The following DMD variants were observed in gnomAD, a reference collection of about 807,000 sequenced individuals.
DMD encodes the protein mutant dystrophin.
Under a neutral mutation model 330.1 loss-of-function variants are expected in DMD, and 63 were observed. The observed-to-expected ratio is 0.19, with a 90% CI of 0.16 to 0.24. DMD has a LOEUF of 0.24. Among genes scored for constraint, DMD ranks in the 10% least tolerant of loss-of-function variants. The pLI is 1.00. For synonymous variants in DMD, 1,223 were observed against 959.8 expected, an observed-to-expected ratio of 1.27 and a Z score of -5.07; for missense variants, 3,344 against 2,684.1, an observed-to-expected ratio of 1.25 and a Z score of -5.43.
intron 7 of DMD, among the ~76,000 whole-genome samples, chrX:32,770,816 C>A (rs1377140528): frequency 9.0e-6 from 1 of 111,608 alleles, no homozygotes; most frequent in Non-Finnish European, 1.9e-5. Context: ...ATATGCTACA[C>A]AAAATCAGGT....
intron 45 of DMD, among the ~76,000 whole-genome samples, chrX:31,961,098 A>C (rs976288505): frequency 2.7e-5 from 3 of 112,289 alleles, no homozygotes; most frequent in African/African-American, 6.5e-5. Flanking sequence ...AAATGTTTGA[A>C]TCAAAGAGCT....
At chrX:31,436,328 T>C (rs186318634) in intron 60 of DMD, among the ~76,000 whole-genome samples, 15 of 112,186 alleles carry the variant, frequency 1.3e-4, no homozygotes, top group Middle Eastern at 4.6e-3. Flanking sequence ...AATAATAATA[T>C]GCTTTTCATT....
rs1557326844 is a variant in DMD at position 32,394,921 on chromosome X, A to AAAAC, written c.4234-4741_4234-4740insGTTT. On this transcript the variant is annotated intron_variant, in intron 30 of 78. Transcript: ENST00000357033. ...AAGAGCAAAAAACAAAAAAACAAAA[A>AAAAC]AAAAAAAAAAAAGAAAAGAAATCAT... is the stretch of plus-strand genomic sequence containing the variant. Among the ~76,000 whole-genome samples, 167 of 63,744 alleles carry AAAAC rather than the reference A, an allele frequency of 2.6e-3. 3 individuals carry two copies. The highest frequency in any genetic ancestry group is 8.0e-3 in the East Asian group (12 of 1,507). 55.4% of individuals were successfully genotyped at this position (63,744 alleles called of 115,157 possible).
At chrX:32,633,322 C>G (rs2058870667) in intron 11 of DMD, among the ~76,000 whole-genome samples, 2 of 111,467 alleles carry the variant, frequency 1.8e-5, no homozygotes, top group South Asian at 7.6e-4. Flanking sequence ...AACTTCTTTG[C>G]TAAGGGATAA....
chrX:31,305,942 A>C (rs1035141991), intron 62 of DMD, among the ~76,000 whole-genome samples: 3 of 112,562 alleles, frequency 2.7e-5, no homozygotes, highest in Admixed American at 9.4e-5. Flanking sequence ...CATTGTGAAC[A>C]TTAAAAACAA....
chrX:31,961,589 G>T (rs997005039), intron 45 of DMD, among the ~76,000 whole-genome samples: 1 of 110,752 alleles, frequency 9.0e-6, no homozygotes, highest in East Asian at 2.8e-4. Context: ...TTATAAAAAG[G>T]GGCAAGAAAA....
intron 25 of DMD, among the ~76,000 whole-genome samples, chrX:32,455,897 G>A (rs944137570): frequency 9.0e-6 from 1 of 110,602 alleles, no homozygotes; most frequent in African/African-American, 3.3e-5. Flanking sequence ...TTTCTACAAT[G>A]GACTCCATTA....
chrX:31,395,485 C>T (rs1356169765), intron 60 of DMD, among the ~76,000 whole-genome samples: 1 of 112,225 alleles, frequency 8.9e-6, no homozygotes, highest in African/African-American at 3.2e-5. Context: ...TACTTCAATA[C>T]CTGTTGAAAA....
At chrX:32,769,066 AAAC>A (rs942762076) in intron 7 of DMD, among the ~76,000 whole-genome samples, 5 of 112,218 alleles carry the variant, frequency 4.5e-5, no homozygotes, top group African/African-American at 1.6e-4. Flanking sequence ...AAAAAACAAA[AAAC>A]ATCATCATCT....
chrX:32,974,818 A>G (rs2092490764), intron 2 of DMD, among the ~76,000 whole-genome samples: 1 of 111,738 alleles, frequency 8.9e-6, no homozygotes, highest in African/African-American at 3.3e-5. Flanking sequence ...GTTCACAAAA[A>G]TGACTTCCTT....
At chrX:31,293,856 TA>T (rs1048511962) in intron 62 of DMD, among the ~76,000 whole-genome samples, 15 of 111,135 alleles carry the variant, frequency 1.3e-4, no homozygotes, top group Non-Finnish European at 2.3e-4. Context: ...ACGAGCAAGC[TA>T]AAGAAAGGAC....
chrX:32,885,049 G>T (rs890726967), intron 2 of DMD, among the ~76,000 whole-genome samples: 1 of 111,734 alleles, frequency 8.9e-6, no homozygotes, highest in Non-Finnish European at 1.9e-5. Context: ...GATTTGTAGG[G>T]ATCCTAGCCT....
intron 60 of DMD, among the ~76,000 whole-genome samples, chrX:31,442,943 A>C (rs894739470): frequency 9.0e-6 from 1 of 111,494 alleles, no homozygotes; most frequent in African/African-American, 3.3e-5. Context: ...AAATTATGTG[A>C]GATCTCAAGA....
intron 50 of DMD, among the ~76,000 whole-genome samples, chrX:31,806,923 T>C (rs2092308453): frequency 8.9e-6 from 1 of 112,316 alleles, no homozygotes; most frequent in African/African-American, 3.2e-5. Flanking sequence ...TTTTAAAGCA[T>C]ACAACCCTTT....
At chrX:31,180,683 T>A (rs756768010) in intron 68 of DMD, among the ~76,000 whole-genome samples, 9 of 111,801 alleles carry the variant, frequency 8.1e-5, no homozygotes, top group African/African-American at 2.9e-4. Flanking sequence ...GGCAGAAAGA[T>A]TATCCTATAA....
chrX:32,042,026 CATATAT>C (rs57983190), intron 44 of DMD, among the ~76,000 whole-genome samples: 5,069 of 40,342 alleles, frequency 0.13, 329 homozygotes, highest in Middle Eastern at 0.16. Context: ...TCTCTCTGTT[CATATAT>C]ATATATATAT....
At position 33,261,633 on chromosome X, in the gene DMD, C is replaced by CAT. The variant is rs1166142215; in HGVS notation, c.7+77625_7+77626insAT. ...ACACTAGAGATACGGGAAGAACACA[C>CAT]ACACACACACACACACACACACACA... On this transcript the variant is annotated intron_variant, in intron 1 of 17. Transcript: ENST00000288447. 1.0e-4 allele frequency among the ~76,000 whole-genome samples: 11 copies of CAT among 105,905 alleles called. No homozygotes were observed. In the East Asian group the frequency reaches 3.0e-3, roughly 29 times the overall value. The allele number at this position is 105,905 out of a possible 115,157, so 92.0% of individuals were successfully genotyped here. A position where few individuals can be genotyped will look rare whatever the true frequency, so the allele number is the denominator to read the frequency against.
At chrX:33,222,051 T>C (rs1163043615) in intron 1 of DMD, among the ~76,000 whole-genome samples, 1 of 111,723 alleles carries the variant, frequency 9.0e-6, no homozygotes, top group Non-Finnish European at 1.9e-5. Flanking sequence ...CAATTCTGAG[T>C]ATATGTGTTG....
At chrX:32,914,700 A>G (rs1360805327) in intron 2 of DMD, among the ~76,000 whole-genome samples, 1 of 112,742 alleles carries the variant, frequency 8.9e-6, no homozygotes, top group African/African-American at 3.2e-5. Context: ...ACCTGATTAC[A>G]TAGTAGTCAA....
Sources: gnomAD v4.1 joint callset for allele counts (sites outside exome capture counted in the v4.1 genomes callset) on GRCh38, gnomAD v4.1.1 for gene constraint, MANE v1.5 for transcripts, NCBI Gene and HGNC (gene_info 2026-07-23, HGNC 2026-07-21) for gene names.